The following CADM1 variants were observed in gnomAD, a reference collection of about 807,000 sequenced individuals.
CADM1 encodes the protein TSLC-1.
A neutral mutation model predicts 53.1 loss-of-function variants in CADM1; 15 were observed. The ratio of observed to expected loss-of-function variants is 0.28; its 90% CI spans 0.19 to 0.44. CADM1 has a LOEUF of 0.44. Ranked by LOEUF, CADM1 falls within the 20% of genes least tolerant of loss-of-function variation. CADM1 has a pLI of 1.00. For missense variants in CADM1, 434 were observed against 611.3 expected (o/e 0.71, Z 3.06); for synonymous variants, 281 against 243.0 (o/e 1.16, Z -1.45).
intron 1 of CADM1, among the ~76,000 whole-genome samples, chr11:115,406,317 T>C (rs182316493): frequency 2.0e-5 from 3 of 151,918 alleles, no homozygotes; most frequent in Admixed American, 2.0e-4. Flanking sequence ...CCCCAGAATA[T>C]ATAAAAGATG....
At chr11:115,249,706 T>C (rs532977438) in intron 1 of CADM1, among the ~76,000 whole-genome samples, 1 of 152,296 alleles carries the variant, frequency 6.6e-6, no homozygotes, top group Admixed American at 6.5e-5. Context: ...TTATTATATA[T>C]ACTGCAGCAG....
chr11:115,277,592 T>C (rs1943478625), intron 1 of CADM1, among the ~76,000 whole-genome samples: 1 of 152,192 alleles, frequency 6.6e-6, no homozygotes, highest in South Asian at 2.1e-4. Context: ...TTCATAAAGT[T>C]CCTGCTCCAA....
chr11:115,197,716 T>C (rs1442769064), intron 9 of CADM1, among the ~76,000 whole-genome samples: 2 of 152,206 alleles, frequency 1.3e-5, no homozygotes, highest in African/African-American at 2.4e-5. Context: ...CACCAGTAAC[T>C]TATTTAAAGT....
chr11:115,480,809 T>C (rs1949241472), intron 1 of CADM1, among the ~76,000 whole-genome samples: 1 of 152,074 alleles, frequency 6.6e-6, no homozygotes, highest in African/African-American at 2.4e-5. Flanking sequence ...AGGTTCTCCC[T>C]CCCTCCAGGC....
chr11:115,282,337 G>C (rs1943610496), intron 1 of CADM1, among the ~76,000 whole-genome samples: 1 of 152,142 alleles, frequency 6.6e-6, no homozygotes, highest in Admixed American at 6.5e-5. Flanking sequence ...CCTATGGCTG[G>C]AACCTTTAGC....
At chr11:115,457,962 C>T (rs1379726266) in intron 1 of CADM1, among the ~76,000 whole-genome samples, 1 of 152,084 alleles carries the variant, frequency 6.6e-6, no homozygotes, top group Admixed American at 6.6e-5. Context: ...TGTGAAGAAT[C>T]CATTCCAGCA....
chr11:115,227,207 G>C (rs1485118385), intron 5 of CADM1, among the ~76,000 whole-genome samples: 1 of 152,110 alleles, frequency 6.6e-6, no homozygotes, highest in Non-Finnish European at 1.5e-5. Context: ...GCAATTAAAG[G>C]CTCGCAGTAC....
intron 1 of CADM1, among the ~76,000 whole-genome samples, chr11:115,415,494 G>A (rs2135256448): frequency 6.6e-6 from 1 of 152,150 alleles, no homozygotes; most frequent in South Asian, 2.1e-4. Flanking sequence ...GGCAAATAAG[G>A]AATATGACAG....
intron 1 of CADM1, among the ~76,000 whole-genome samples, chr11:115,392,574 T>C (rs1946863816): frequency 6.6e-6 from 1 of 152,182 alleles, no homozygotes; most frequent in African/African-American, 2.4e-5. Context: ...TAATAAACTT[T>C]TGGAGGAAAA....
chr11:115,499,977 A>G (rs1289475275), intron 1 of CADM1, among the ~76,000 whole-genome samples: 1 of 152,208 alleles, frequency 6.6e-6, no homozygotes, highest in Non-Finnish European at 1.5e-5. Context: ...ATCACTACTT[A>G]TACATACACA....
At chr11:115,201,226 C>T (rs893813613) in intron 8 of CADM1, among the ~76,000 whole-genome samples, 1 of 152,156 alleles carries the variant, frequency 6.6e-6, no homozygotes, top group South Asian at 2.1e-4. Context: ...AGGAGAAACA[C>T]AGGCTGGCTA....
intron 1 of CADM1, among the ~76,000 whole-genome samples, chr11:115,408,480 G>A (rs1015583590): frequency 3.3e-5 from 5 of 152,220 alleles, no homozygotes; most frequent in African/African-American, 1.2e-4. Context: ...ACTCTTCAAA[G>A]ATGTGGAGCG....
intron 1 of CADM1, among the ~76,000 whole-genome samples, chr11:115,503,306 T>C (rs1253862705): frequency 2.0e-5 from 3 of 152,202 alleles, no homozygotes; most frequent in Non-Finnish European, 4.4e-5. Context: ...GTGCTCGGTG[T>C]CTTCAGGGAA....
At chr11:115,361,736 T>C (rs114382877) in intron 1 of CADM1, among the ~76,000 whole-genome samples, 1 of 151,990 alleles carries the variant, frequency 6.6e-6, no homozygotes, top group Non-Finnish European at 1.5e-5. Flanking sequence ...TATTATTATT[T>C]TTTTTTTTGA....
intron 3 of CADM1, among the ~76,000 whole-genome samples, chr11:115,233,629 C>T (rs554386208): frequency 1.7e-4 from 26 of 151,706 alleles, no homozygotes; most frequent in Non-Finnish European, 3.5e-4. Context: ...GAAAATAAGA[C>T]CTTAAAGAGT....
intron 1 of CADM1, among the ~76,000 whole-genome samples, chr11:115,355,767 T>G (rs1368705575): frequency 6.6e-6 from 1 of 152,120 alleles, no homozygotes; most frequent in Non-Finnish European, 1.5e-5. Context: ...AGGCTGATTT[T>G]ACTGAACAGT....
chr11:115,243,329 G>A (rs71486302), intron 1 of CADM1, among the ~76,000 whole-genome samples: 8,624 of 152,218 alleles, frequency 0.057, 439 homozygotes, highest in Admixed American at 0.17. Context: ...ATGTTAACAT[G>A]GTTATAATAC....
At chr11:115,391,606 A>C (rs1455750319) in intron 1 of CADM1, among the ~76,000 whole-genome samples, 1 of 152,236 alleles carries the variant, frequency 6.6e-6, no homozygotes, top group Non-Finnish European at 1.5e-5. Flanking sequence ...CAACACCTGC[A>C]TCATGAAAAA....
chr11:115,272,621 G>A (rs4938194), intron 1 of CADM1, among the ~76,000 whole-genome samples: 69,840 of 151,538 alleles, frequency 0.46, 19,595 homozygotes, highest in Non-Finnish European at 0.63. Flanking sequence ...AAATAATTCC[G>A]TATTTTTCAG....
Sources: gnomAD v4.1 joint callset for allele counts (sites outside exome capture counted in the v4.1 genomes callset) on GRCh38, gnomAD v4.1.1 for gene constraint, MANE v1.5 for transcripts, NCBI Gene and HGNC (gene_info 2026-07-23, HGNC 2026-07-21) for gene names.